Variants in NALF2 observed in about 807,000 individuals in gnomAD.
NALF2 encodes bB57D9.1 (TED protein).
Under a neutral mutation model 24.8 loss-of-function variants are expected in NALF2, and 1 was observed. The ratio of observed to expected loss-of-function variants is 0.04; its 90% CI spans 0.01 to 0.19. NALF2 has a LOEUF of 0.19. Ranked by LOEUF, NALF2 falls within the 10% of genes least tolerant of loss-of-function variation. The pLI is 1.00. For synonymous variants in NALF2, 254 were observed against 189.8 expected (o/e 1.34, Z -2.78); for missense variants, 458 against 409.6 (o/e 1.12, Z -1.02).
At chrX:69,506,272 T>A in intron 1 of NALF2, 129 bp downstream of exon 1, 1 of 705,276 alleles carries the variant, frequency 1.4e-6, no homozygotes, top group Non-Finnish European at 2.1e-6. Context: ...AGTGCAGCAC[T>A]ACCAGTGCCA....
In NALF2 at chrX:69,511,636, A is replaced by G. The variant is rs151025185; in HGVS notation, c.861+5493A>G. The stretch of plus-strand genomic sequence containing the variant: ...GAACCTCCAGGAAGGATACACTGGT[A>G]TCTCCTGAAGGTGGGGGTTGGGGGA... On this transcript the variant is annotated intron_variant, in intron 1 of 2. Coordinates refer to ENST00000252338, the MANE Select transcript of NALF2 (RefSeq NM_015686.3). 2.6e-3 allele frequency among the ~76,000 whole-genome samples: 286 copies of G among 111,652 alleles called. 2 individuals are homozygous for G. The highest frequency in any genetic ancestry group is 8.7e-3 in the African/African-American group (268 of 30,715).
intron 1 of NALF2, among the ~76,000 whole-genome samples, chrX:69,507,651 C>T (rs1602190827): frequency 9.0e-6 from 1 of 111,054 alleles, no homozygotes; most frequent in Non-Finnish European, 1.9e-5. Flanking sequence ...ATCAGAGACA[C>T]GCAGGCAGAA....
chrX:69,515,777 A>T (rs192965191), intron 1 of NALF2, among the ~76,000 whole-genome samples: 99 of 111,792 alleles, frequency 8.9e-4, no homozygotes, highest in African/African-American at 3.0e-3. Flanking sequence ...TTCATTTGTT[A>T]TTTGCACCAT....
chrX:69,518,008 T>C, intron 1 of NALF2, among the ~76,000 whole-genome samples: 1 of 112,416 alleles, frequency 8.9e-6, no homozygotes, highest in East Asian at 2.8e-4. Flanking sequence ...TGTGTGCAGC[T>C]GAAGGGAACC....
At chrX:69,511,950 G>A (rs943427746) in intron 1 of NALF2, among the ~76,000 whole-genome samples, 3 of 111,701 alleles carry the variant, frequency 2.7e-5, no homozygotes, top group Non-Finnish European at 5.6e-5. Context: ...ACTCAGGGGC[G>A]GGAGTGTGCC....
chrX:69,516,429 ACT>A (rs750298570), intron 1 of NALF2, among the ~76,000 whole-genome samples: 8 of 111,962 alleles, frequency 7.1e-5, no homozygotes, highest in Non-Finnish European at 1.5e-4. Context: ...GCCAGCTCTA[ACT>A]CTCTATCTAA....
Position 69,522,229 on chromosome X carries a change from G to C in NALF2, c.862-6764G>C, listed in dbSNP as rs756920174. 3.6e-5 allele frequency among the ~76,000 whole-genome samples: 4 copies of C among 112,320 alleles called. No individual in the cohort carries two copies. The East Asian group carries it at 1.1e-3, about 32-fold the overall frequency. On this transcript the variant is annotated intron_variant, in intron 1 of 2. Transcript: ENST00000252338. ...GGAAATTCCAACAGCAGATAGGGCA[G>C]TGTTGTGATGGTTCTCATGGTCCCT...
At position 69,508,762 on chromosome X, in the gene NALF2, G is replaced by C. The variant is rs372642205; in HGVS notation, c.861+2619G>C. ...TGCCATTCCCAAACCCCGTTCCTGGGCTCCAAGCCCTCCTGTCTGGTCCCC... is the reference window on the plus strand; with the variant it reads ...TGCCATTCCCAAACCCCGTTCCTGGCCTCCAAGCCCTCCTGTCTGGTCCCC... On this transcript the variant is annotated intron_variant, in intron 1 of 2. Coordinates refer to ENST00000252338, the MANE Select transcript of NALF2 (RefSeq NM_015686.3). Among the ~76,000 whole-genome samples the C allele has an allele frequency of 1.5e-4, 17 of 112,056 alleles. No individual in the cohort carries two copies. In the East Asian group the frequency reaches 3.4e-3, roughly 22 times the overall value.
At chrX:69,517,580 A>T (rs1399596315) in intron 1 of NALF2, among the ~76,000 whole-genome samples, 1 of 112,484 alleles carries the variant, frequency 8.9e-6, no homozygotes, top group African/African-American at 3.2e-5. Flanking sequence ...ACTGCTTAAT[A>T]TCTAATTGAT....
chrX:69,517,607 T>A (rs961284677), intron 1 of NALF2, among the ~76,000 whole-genome samples: 1 of 111,979 alleles, frequency 8.9e-6, no homozygotes, highest in Non-Finnish European at 1.9e-5. Context: ...AACACTGGGG[T>A]GGGATACTTA....
intron 1 of NALF2, among the ~76,000 whole-genome samples, chrX:69,524,500 T>C (rs1930777754): frequency 8.9e-6 from 1 of 111,736 alleles, no homozygotes; most frequent in Admixed American, 9.5e-5. Context: ...CTGACTGTTA[T>C]CTTGTTCTGA....
At chrX:69,514,248 A>G (rs1930633274) in intron 1 of NALF2, among the ~76,000 whole-genome samples, 1 of 110,015 alleles carries the variant, frequency 9.1e-6, no homozygotes, top group African/African-American at 3.3e-5. Context: ...CCTGGTAAGC[A>G]TTATTCTACT....
In NALF2 at chrX:69,513,304, C is replaced by T. The variant is rs191564647; in HGVS notation, c.861+7161C>T. On this transcript the variant is annotated intron_variant, in intron 1 of 2. Coordinates refer to ENST00000252338, the MANE Select transcript of NALF2 (RefSeq NM_015686.3). ...ATGCTGGTAGAGCTGGAAGGGAAAA[C>T]GACTGCAGTAAGACTTTGTTGCCCC... Among the ~76,000 whole-genome samples the T allele has an allele frequency of 9.8e-5, 11 of 112,449 alleles. No individual in the cohort carries two copies. In the East Asian group the frequency reaches 1.7e-3, roughly 17 times the overall value.
chrX:69,528,927 C>T, intron 1 of NALF2, 66 bp from the exon 2 acceptor site: 1 of 1,100,448 alleles, frequency 9.1e-7, no homozygotes. Context: ...GTAAGTCCTC[C>T]CATCCCTCTC....
At chrX:69,517,341 GTTA>G (rs991158947) in intron 1 of NALF2, among the ~76,000 whole-genome samples, 1 of 111,265 alleles carries the variant, frequency 9.0e-6, no homozygotes, top group African/African-American at 3.3e-5. Context: ...AGCCCCCATT[GTTA>G]TTATTATTAT....
intron 1 of NALF2, among the ~76,000 whole-genome samples, chrX:69,507,329 A>G (rs1179849527): frequency 9.0e-6 from 1 of 111,502 alleles, no homozygotes; most frequent in Non-Finnish European, 1.9e-5. Flanking sequence ...GGATTGGGGC[A>G]GAGGGTTGGG....
chrX:69,532,068 C>T lies in NALF2; in HGVS notation c.*2112C>T, dbSNP rs1159051362. 1.8e-5 allele frequency: 2 copies of T among 112,481 alleles called. No homozygotes were observed. The highest frequency in any genetic ancestry group is 3.8e-5 in the Non-Finnish European group (2 of 53,195). The allele number at this position is 112,481 out of a possible 1,213,427, so 9.3% of individuals were successfully genotyped here. On this transcript the variant is annotated 3_prime_UTR_variant, in exon 3 of 3. Transcript: ENST00000252338. ...CCCCCTCACCAAGTGCCCAGGAGAC[C>T]CCTGGCTCAGACCAGCCCAAGGCCT...
chrX:69,506,938 G>GA lies in NALF2; in HGVS notation c.861+796dup, dbSNP rs745935103. 2.3e-4 allele frequency among the ~76,000 whole-genome samples: 26 copies of GA among 112,593 alleles called. No homozygotes were observed. In the South Asian group the frequency reaches 9.2e-3, roughly 40 times the overall value. ...CCAGAGGAGAGGTGAGGCAGCTGCA[G>GA]ACCGGCCCGCCTAGGGAAGAGCTGA... On this transcript the variant is annotated intron_variant, in intron 1 of 2. Transcript: ENST00000252338.
intron 1 of NALF2, among the ~76,000 whole-genome samples, chrX:69,528,655 TC>T (rs1450590481): frequency 8.9e-6 from 1 of 112,349 alleles, no homozygotes; most frequent in Non-Finnish European, 1.9e-5. Context: ...GTCAGATACT[TC>T]CTTGGACCAA....
Sources: gnomAD v4.1 joint callset for allele counts (sites outside exome capture counted in the v4.1 genomes callset) on GRCh38, gnomAD v4.1.1 for gene constraint, MANE v1.5 for transcripts, NCBI Gene and HGNC (gene_info 2026-07-23, HGNC 2026-07-21) for gene names.